Variants in MIR2052HG observed in about 807,000 individuals in gnomAD.
The protein encoded by MIR2052HG is MIR2052 host gene.
At chr8:74,615,139 G>C (rs1042997099) in intron 2 of MIR2052HG, 1 of 152,168 alleles carries the variant, frequency 6.6e-6, no homozygotes, top group African/African-American at 2.4e-5. Context: ...AGAGAAGAGA[G>C]GTAAGGAAGC....
chr8:74,739,755 A>G (rs1402121559), intron 4 of MIR2052HG, among the ~76,000 whole-genome samples: 1 of 152,174 alleles, frequency 6.6e-6, no homozygotes, highest in African/African-American at 2.4e-5. Context: ...ATACTTCCTA[A>G]ATCAGTATTT....
intron 1 of MIR2052HG, among the ~76,000 whole-genome samples, chr8:74,605,564 T>C (rs1808099053): frequency 6.6e-6 from 1 of 152,214 alleles, no homozygotes; most frequent in South Asian, 2.1e-4. Context: ...AAGAAAATAC[T>C]TGGAAAGAAG....
intron 4 of MIR2052HG, among the ~76,000 whole-genome samples, chr8:74,739,006 AG>A (rs1466116437): frequency 1.3e-5 from 2 of 152,236 alleles, no homozygotes; most frequent in Non-Finnish European, 2.9e-5. Flanking sequence ...GCAATAGAAA[AG>A]TGTTGAGGTT....
intron 2 of MIR2052HG, among the ~76,000 whole-genome samples, chr8:74,668,738 C>T (rs543525321): frequency 1.4e-4 from 22 of 152,178 alleles, no homozygotes; most frequent in Non-Finnish European, 2.9e-4. Flanking sequence ...GGAACTGCCC[C>T]ACCAGAAGAG....
intron 4 of MIR2052HG, among the ~76,000 whole-genome samples, chr8:74,739,324 C>T (rs2128755589): frequency 6.6e-6 from 1 of 152,260 alleles, no homozygotes; most frequent in African/African-American, 2.4e-5. Context: ...ATAAGCTGCT[C>T]CTTTCAGCTT....
At chr8:74,754,995 TTTGGAGACAAC>T (rs1809984888) in intron 5 of MIR2052HG, among the ~76,000 whole-genome samples, 1 of 152,196 alleles carries the variant, frequency 6.6e-6, no homozygotes, top group Non-Finnish European at 1.5e-5. Context: ...TTATTCCACT[TTTGGAGACAAC>T]TAGAGAAATG....
At chr8:74,753,468 GAAATGTT>G (rs1423441684) in intron 5 of MIR2052HG, among the ~76,000 whole-genome samples, 3 of 152,194 alleles carry the variant, frequency 2.0e-5, no homozygotes, top group Non-Finnish European at 4.4e-5. Context: ...CTAAGACTGA[GAAATGTT>G]TCTAGAAAGA....
At chr8:74,607,837 T>C (rs1280093998) in intron 1 of MIR2052HG, among the ~76,000 whole-genome samples, 1 of 152,224 alleles carries the variant, frequency 6.6e-6, no homozygotes, top group South Asian at 2.1e-4. Flanking sequence ...ACAGCCTTCC[T>C]GTCTTAAGGG....
At chr8:74,618,412 A>G (rs1016591256) in intron 2 of MIR2052HG, among the ~76,000 whole-genome samples, 5 of 152,218 alleles carry the variant, frequency 3.3e-5, no homozygotes, top group Non-Finnish European at 7.3e-5. Context: ...TAACTGGCAC[A>G]TAGTCAGCAC....
chr8:74,661,693 A>G (rs1442860917), intron 2 of MIR2052HG, among the ~76,000 whole-genome samples: 1 of 152,192 alleles, frequency 6.6e-6, no homozygotes, highest in Admixed American at 6.5e-5. Flanking sequence ...TTAAAGCTCA[A>G]TCACCCATGC....
At chr8:74,710,732 A>G (rs1295070492) in intron 4 of MIR2052HG, among the ~76,000 whole-genome samples, 1 of 152,178 alleles carries the variant, frequency 6.6e-6, no homozygotes, top group Non-Finnish European at 1.5e-5. Context: ...TGGGGTTCAT[A>G]CAAAGTCCTG....
rs865857653 is a variant in MIR2052HG at position 74,668,679 on chromosome 8, G to A, written n.217-33700G>A. On this transcript the variant is annotated intron_variant and non_coding_transcript_variant, in intron 2 of 6. Coordinates refer to ENST00000523442, the Ensembl canonical transcript of MIR2052HG. Reference sequence around the variant, plus strand: ...GGAACAAAGGAATTATCATGTCCATGGCTGGCAGAGCTGTCCCCAAAATAG... The same window carrying A: ...GGAACAAAGGAATTATCATGTCCATAGCTGGCAGAGCTGTCCCCAAAATAG... Among the ~76,000 whole-genome samples, 10 of 152,318 alleles carry A rather than the reference G, an allele frequency of 6.6e-5. No individual in the cohort carries two copies. In the East Asian group the frequency reaches 1.7e-3, roughly 26 times the overall value.
intron 2 of MIR2052HG, among the ~76,000 whole-genome samples, chr8:74,622,922 G>T (rs2128732935): frequency 6.6e-6 from 1 of 152,216 alleles, no homozygotes; most frequent in Non-Finnish European, 1.5e-5. Flanking sequence ...GCCAGGCACA[G>T]AAAGATAAAT....
intron 2 of MIR2052HG, among the ~76,000 whole-genome samples, chr8:74,691,529 C>G (rs1039864565): frequency 1.3e-5 from 2 of 152,136 alleles, no homozygotes; most frequent in Non-Finnish European, 2.9e-5. Flanking sequence ...TTTTCTGCAA[C>G]TAGGGGCAAT....
At chr8:74,651,638 A>T (rs1808754159) in intron 2 of MIR2052HG, among the ~76,000 whole-genome samples, 1 of 152,108 alleles carries the variant, frequency 6.6e-6, no homozygotes, top group Non-Finnish European at 1.5e-5. Flanking sequence ...CCCAGTCCTG[A>T]TTTTTTTCTT....
intron 2 of MIR2052HG, among the ~76,000 whole-genome samples, chr8:74,652,650 G>T (rs76711952): frequency 6.6e-6 from 1 of 152,010 alleles, no homozygotes; most frequent in African/African-American, 2.4e-5. Flanking sequence ...GGGTTCTCTG[G>T]GGTGGGTGGA....
chr8:74,725,320 A>C (rs1809622484), intron 4 of MIR2052HG, among the ~76,000 whole-genome samples: 2 of 152,184 alleles, frequency 1.3e-5, no homozygotes, highest in Admixed American at 1.3e-4. Flanking sequence ...TCACTCACTT[A>C]GCGTCTAGGA....
chr8:74,726,621 G>A (rs1403912163), intron 4 of MIR2052HG, among the ~76,000 whole-genome samples: 1 of 152,168 alleles, frequency 6.6e-6, no homozygotes, highest in African/African-American at 2.4e-5. Flanking sequence ...TACAGAACAG[G>A]GTTGATTCTC....
rs148781789 is a variant in MIR2052HG, at chr8:74,707,471, T to C, written n.371+3789T>C. Among the ~76,000 whole-genome samples, 1,418 of 152,238 alleles carry C rather than the reference T, an allele frequency of 9.3e-3. 21 individuals are homozygous for C. Among genetic ancestry groups the C allele is most frequent in the African/African-American group, 0.031 (1,290 of 41,548 alleles). On this transcript the variant is annotated intron_variant and non_coding_transcript_variant, in intron 4 of 6. Coordinates refer to ENST00000523442, the Ensembl canonical transcript of MIR2052HG. ...GTCAGACAGGTTAAGCAACCAGAAT[T>C]CATTTTCTTGTTTAGTCACTCAAAA...
Sources: gnomAD v4.1 joint callset for allele counts (sites outside exome capture counted in the v4.1 genomes callset) on GRCh38, gnomAD v4.1.1 for gene constraint, MANE v1.5 for transcripts, NCBI Gene and HGNC (gene_info 2026-07-23, HGNC 2026-07-21) for gene names.